FBXL7: variants seen among roughly 807,000 people sequenced by gnomAD.
FBXL7 encodes the protein F-box/LRR-repeat protein 7.
A neutral mutation model predicts 38.3 loss-of-function variants in FBXL7; 12 were observed. That is an observed-to-expected ratio of 0.31 (90% CI 0.20 to 0.51). The LOEUF (loss-of-function observed/expected upper bound fraction) is 0.51, where lower values mean the gene tolerates loss of function less well. Among genes scored for constraint, FBXL7 ranks in the 20% least tolerant of loss-of-function variants. FBXL7 has a pLI of 0.98. For missense variants in FBXL7, 567 were observed against 676.4 expected, an observed-to-expected ratio of 0.84 and a Z score of 1.79; for synonymous variants, 297 against 300.9, an observed-to-expected ratio of 0.99 and a Z score of 0.13.
intron 2 of FBXL7, among the ~76,000 whole-genome samples, chr5:15,805,846 A>C (rs1236217761): frequency 1.3e-5 from 2 of 152,216 alleles, no homozygotes; most frequent in Non-Finnish European, 2.9e-5. Flanking sequence ...AGATTTCTTC[A>C]ATTTTACTAG....
intron 1 of FBXL7, among the ~76,000 whole-genome samples, chr5:15,581,160 T>C (rs1347352728): frequency 6.6e-6 from 1 of 152,222 alleles, no homozygotes; most frequent in Non-Finnish European, 1.5e-5. Flanking sequence ...CGAAGCCTAC[T>C]GAGTACCACA....
chr5:15,816,098 C>T (rs1016397964), intron 2 of FBXL7, among the ~76,000 whole-genome samples: 4 of 151,998 alleles, frequency 2.6e-5, no homozygotes, highest in Admixed American at 1.3e-4. Context: ...TTAGAAAGTA[C>T]TCCGAAATTA....
At chr5:15,897,136 CT>C (rs1484959041) in intron 2 of FBXL7, among the ~76,000 whole-genome samples, 1 of 151,994 alleles carries the variant, frequency 6.6e-6, no homozygotes, top group Non-Finnish European at 1.5e-5. Flanking sequence ...CTATCTCTCT[CT>C]ATATATACGT....
intron 2 of FBXL7, among the ~76,000 whole-genome samples, chr5:15,884,249 C>CT (rs1561172240): frequency 2.3e-4 from 35 of 150,596 alleles, no homozygotes; most frequent in African/African-American, 7.8e-4. Flanking sequence ...ATCAGGGAAT[C>CT]TTCTTTCTTT....
At chr5:15,855,724 T>G (rs1013496300) in intron 2 of FBXL7, among the ~76,000 whole-genome samples, 7 of 152,170 alleles carry the variant, frequency 4.6e-5, no homozygotes, top group Non-Finnish European at 8.8e-5. Context: ...CCAACATTTA[T>G]GGAACATTTA....
At position 15,843,285 on chromosome 5, in the gene FBXL7, C is replaced by T. The variant is rs6897069; in HGVS notation, c.128-84605C>T. Among the ~76,000 whole-genome samples, 1,409 of 152,246 alleles carry T rather than the reference C, an allele frequency of 9.3e-3. 25 individuals carry two copies. The highest frequency in any genetic ancestry group is 0.032 in the African/African-American group (1,346 of 41,542). On this transcript the variant is annotated intron_variant, in intron 2 of 3. Transcript: ENST00000504595. Reference sequence around the variant, plus strand: ...CCCATTTTTCTCTCCTTATTACCCCCTCTGGTTCTTCATAACCCTTTCACC... The same window carrying T: ...CCCATTTTTCTCTCCTTATTACCCCTTCTGGTTCTTCATAACCCTTTCACC...
At chr5:15,894,025 C>T (rs1401180223) in intron 2 of FBXL7, among the ~76,000 whole-genome samples, 4 of 152,258 alleles carry the variant, frequency 2.6e-5, no homozygotes, top group Non-Finnish European at 1.5e-5. Flanking sequence ...CGGTGGCTTA[C>T]GCCTGTAATC....
intron 2 of FBXL7, among the ~76,000 whole-genome samples, chr5:15,721,796 C>T (rs1260230655): frequency 6.6e-6 from 1 of 151,950 alleles, no homozygotes; most frequent in African/African-American, 2.4e-5. Flanking sequence ...TTTTCCCAGG[C>T]ATATTTCTCA....
At chr5:15,597,495 TAAA>T (rs35742221) in intron 1 of FBXL7, among the ~76,000 whole-genome samples, 13 of 114,886 alleles carry the variant, frequency 1.1e-4, no homozygotes, top group Admixed American at 3.8e-4. Context: ...TATCATTTTG[TAAA>T]AAAAAAAAAA....
intron 3 of FBXL7, among the ~76,000 whole-genome samples, chr5:15,935,784 A>G (rs527953408): frequency 6.6e-6 from 1 of 152,212 alleles, no homozygotes; most frequent in Non-Finnish European, 1.5e-5. Context: ...TTCAGAGCAC[A>G]TGCATATCTG....
Position 15,866,403 on chromosome 5 carries a change from G to C in FBXL7, c.128-61487G>C, listed in dbSNP as rs75723264. Reference sequence around the variant, plus strand: ...GAGAAAACCACCAAAACATTCACAGGTTGTGAATACAGTAATATAACACAT... The same window carrying C: ...GAGAAAACCACCAAAACATTCACAGCTTGTGAATACAGTAATATAACACAT... On this transcript the variant is annotated intron_variant, in intron 2 of 3. Transcript: ENST00000504595. Among the ~76,000 whole-genome samples the C allele has an allele frequency of 2.6e-3, 395 of 152,298 alleles. 1 individual carries two copies. Among genetic ancestry groups the C allele is most frequent in the African/African-American group, 9.1e-3 (378 of 41,558 alleles).
chr5:15,833,056 C>G (rs1738499318), intron 2 of FBXL7, among the ~76,000 whole-genome samples: 1 of 152,154 alleles, frequency 6.6e-6, no homozygotes, highest in Non-Finnish European at 1.5e-5. Flanking sequence ...CTTTCACCTT[C>G]CACCATGATT....
chr5:15,598,513 G>A (rs1164587800), intron 1 of FBXL7, among the ~76,000 whole-genome samples: 2 of 152,108 alleles, frequency 1.3e-5, no homozygotes, highest in Non-Finnish European at 2.9e-5. Flanking sequence ...GTCTTTTCTG[G>A]GTTCACATAA....
Position 15,681,744 on chromosome 5 carries a change from T to C in FBXL7, c.127+65672T>C, listed in dbSNP as rs150449854. On this transcript the variant is annotated intron_variant, in intron 2 of 3. Coordinates refer to ENST00000504595, the MANE Select transcript of FBXL7 (RefSeq NM_012304.5). ...ATACTTTGATTAGATTTGAACCAAA[T>C]ATAAAGGTGGGTTAATGCTGGTTTT... 3.3e-5 allele frequency among the ~76,000 whole-genome samples: 5 copies of C among 152,348 alleles called. No homozygotes were observed. In the East Asian group the frequency reaches 5.8e-4, roughly 18 times the overall value.
chr5:15,820,802 T>C (rs1738148904), intron 2 of FBXL7, among the ~76,000 whole-genome samples: 1 of 152,090 alleles, frequency 6.6e-6, no homozygotes, highest in South Asian at 2.1e-4. Flanking sequence ...ATGAATGTTC[T>C]CCTCCCTGTG....
intron 2 of FBXL7, among the ~76,000 whole-genome samples, chr5:15,869,533 T>C (rs777279714): frequency 3.9e-5 from 6 of 152,172 alleles, no homozygotes; most frequent in African/African-American, 1.2e-4. Context: ...CAATATAATA[T>C]AGAATTTACT....
intron 2 of FBXL7, among the ~76,000 whole-genome samples, chr5:15,728,005 G>A (rs903693598): frequency 6.6e-6 from 1 of 151,930 alleles, no homozygotes; most frequent in African/African-American, 2.4e-5. Context: ...TTCAAATCTG[G>A]CCTTGAATTC....
intron 2 of FBXL7, among the ~76,000 whole-genome samples, chr5:15,667,266 A>C (rs1233809742): frequency 6.6e-6 from 1 of 152,138 alleles, no homozygotes; most frequent in African/African-American, 2.4e-5. Context: ...TTTGGTCTCA[A>C]ACTTAAGTTC....
chr5:15,731,929 T>C (rs1735594931), intron 2 of FBXL7, among the ~76,000 whole-genome samples: 1 of 152,130 alleles, frequency 6.6e-6, no homozygotes, highest in Non-Finnish European at 1.5e-5. Flanking sequence ...ACAACAAGCA[T>C]GTCAAGTCTC....
Sources: gnomAD v4.1 joint callset for allele counts (sites outside exome capture counted in the v4.1 genomes callset) on GRCh38, gnomAD v4.1.1 for gene constraint, MANE v1.5 for transcripts, NCBI Gene and HGNC (gene_info 2026-07-23, HGNC 2026-07-21) for gene names.